PCSK2: variants seen among roughly 807,000 people sequenced by gnomAD.
PCSK2 encodes neuroendocrine convertase 2.
In PCSK2, 14 loss-of-function variants were observed where a neutral mutation model predicts 69.7. The observed-to-expected ratio is 0.20, with a 90% CI of 0.13 to 0.31. PCSK2 has a LOEUF of 0.31. Among genes scored for constraint, PCSK2 ranks in the 10% least tolerant of loss-of-function variants. PCSK2 has a pLI of 1.00. For missense variants in PCSK2, 544 were observed against 842.5 expected (o/e 0.65, Z 4.39); for synonymous variants, 307 against 320.7 (o/e 0.96, Z 0.46).
intron 11 of PCSK2, among the ~76,000 whole-genome samples, chr20:17,471,609 A>G (rs1325146420): frequency 6.6e-6 from 1 of 152,242 alleles, no homozygotes; most frequent in African/African-American, 2.4e-5. Context: ...AGCAAGGCAA[A>G]TGTGGGAAGG....
Position 17,391,906 on chromosome 20 carries a change from GAGGAAGGA to G in PCSK2, c.544-17321_544-17314del, listed in dbSNP as rs145258467. On this transcript the variant is annotated intron_variant, in intron 5 of 11. Transcript: ENST00000262545. ...AAAGAAAGAGAGAGAGAAAGAGAGA[GAGGAAGGA>G]AGGAAGGAAGGAAGGAAGGAAGGAA... 2.8e-3 allele frequency among the ~76,000 whole-genome samples: 276 copies of G among 100,008 alleles called. 3 individuals carry two copies. The South Asian group carries it at 0.038, about 14-fold the overall frequency. The allele number at this position is 100,008 out of a possible 152,430, so 65.6% of individuals were successfully genotyped here.
chr20:17,255,894 T>G (rs776924575), intron 1 of PCSK2, among the ~76,000 whole-genome samples: 4 of 152,202 alleles, frequency 2.6e-5, no homozygotes, highest in Non-Finnish European at 4.4e-5. Context: ...TTGCCATATT[T>G]GTAAGGGATC....
In PCSK2 at chr20:17,240,480, C is replaced by A. The variant is rs990684367; in HGVS notation, c.177+12998C>A. Among the ~76,000 whole-genome samples, 4 of 152,090 alleles carry A rather than the reference C, an allele frequency of 2.6e-5. 1 individual carries two copies. Among genetic ancestry groups the A allele is most frequent in the Admixed American group, 2.6e-4 (4 of 15,276 alleles). On this transcript the variant is annotated intron_variant, in intron 1 of 11. Transcript: ENST00000262545. Reference sequence around the variant, plus strand: ...AAGTAGACCAAGCATGCTTCCACTGCCAGAGAACACCCTCAGGAGAGCGGT... The same window carrying A: ...AAGTAGACCAAGCATGCTTCCACTGACAGAGAACACCCTCAGGAGAGCGGT...
At chr20:17,307,707 G>A (rs2123105340) in intron 2 of PCSK2, among the ~76,000 whole-genome samples, 1 of 152,238 alleles carries the variant, frequency 6.6e-6, no homozygotes, top group East Asian at 1.9e-4. Flanking sequence ...ATTTCATAGA[G>A]TTTACATTCT....
chr20:17,397,773 G>A lies in PCSK2; in HGVS notation c.544-11490G>A, dbSNP rs868420273. 5.3e-5 allele frequency among the ~76,000 whole-genome samples: 8 copies of A among 152,138 alleles called. No homozygotes were observed. The East Asian group carries it at 5.8e-4, about 11-fold the overall frequency. Reference sequence around the variant, plus strand: ...ATTACAAGTGTGAGCCGCCGCCCCCGGCCAAATTCAATAATATTATGCTTA... The same window carrying A: ...ATTACAAGTGTGAGCCGCCGCCCCCAGCCAAATTCAATAATATTATGCTTA... On this transcript the variant is annotated intron_variant, in intron 5 of 11. Coordinates refer to ENST00000262545, the MANE Select transcript of PCSK2 (RefSeq NM_002594.5).
chr20:17,290,341 A>T (rs1041155327), intron 2 of PCSK2, among the ~76,000 whole-genome samples: 1 of 152,190 alleles, frequency 6.6e-6, no homozygotes, highest in African/African-American at 2.4e-5. Flanking sequence ...CCATTTTGTC[A>T]TAAGAATATC....
At chr20:17,367,885 T>C (rs1406739734) in intron 4 of PCSK2, among the ~76,000 whole-genome samples, 2 of 152,180 alleles carry the variant, frequency 1.3e-5, no homozygotes. Context: ...TGCCTTTCCC[T>C]CTGAAGACTT....
At chr20:17,413,286 C>A (rs1231821089) in intron 6 of PCSK2, among the ~76,000 whole-genome samples, 2 of 152,088 alleles carry the variant, frequency 1.3e-5, no homozygotes, top group East Asian at 1.9e-4. Context: ...TCAGGAGACC[C>A]ATCTCACGTG....
intron 8 of PCSK2, among the ~76,000 whole-genome samples, chr20:17,443,864 C>T (rs6034829): frequency 0.16 from 23,710 of 152,194 alleles, 1,969 homozygotes; most frequent in Middle Eastern, 0.19. Context: ...CTTCAGATGA[C>T]AGCAAGTACA....
chr20:17,456,155 C>T (rs1334340444), intron 9 of PCSK2, among the ~76,000 whole-genome samples, 193 bp from the exon 10 acceptor site: 2 of 152,088 alleles, frequency 1.3e-5, no homozygotes, highest in Non-Finnish European at 2.9e-5. Flanking sequence ...GCAGGAGAAT[C>T]GCTTGAACCT....
chr20:17,334,701 A>T (rs1292418103), intron 2 of PCSK2, among the ~76,000 whole-genome samples: 1 of 152,190 alleles, frequency 6.6e-6, no homozygotes, highest in African/African-American at 2.4e-5. Flanking sequence ...GCTCTGAGAG[A>T]AGTAGAAGAC....
chr20:17,353,303 A>AT (rs1297909924), intron 2 of PCSK2, among the ~76,000 whole-genome samples: 2 of 150,994 alleles, frequency 1.3e-5, no homozygotes, highest in African/African-American at 4.9e-5. Flanking sequence ...TCCAAAAAAA[A>AT]TACAAAAAAA....
intron 1 of PCSK2, among the ~76,000 whole-genome samples, chr20:17,251,483 A>T (rs1986977012): frequency 6.6e-6 from 1 of 152,242 alleles, no homozygotes; most frequent in Non-Finnish European, 1.5e-5. Flanking sequence ...CTTGAAGATC[A>T]TCCAGTATCT....
intron 2 of PCSK2, among the ~76,000 whole-genome samples, chr20:17,262,119 A>C (rs889087749): frequency 3.9e-5 from 6 of 152,232 alleles, no homozygotes; most frequent in Non-Finnish European, 7.3e-5. Flanking sequence ...CTTTTAAAAT[A>C]TAAAATGGGA....
intron 2 of PCSK2, among the ~76,000 whole-genome samples, chr20:17,345,896 G>A (rs1048250653): frequency 6.6e-6 from 1 of 152,198 alleles, no homozygotes; most frequent in Non-Finnish European, 1.5e-5. Context: ...TTAGCCTGTG[G>A]CCATGGAAAC....
intron 2 of PCSK2, among the ~76,000 whole-genome samples, chr20:17,333,492 G>A (rs532067181): frequency 2.0e-5 from 3 of 152,218 alleles, no homozygotes; most frequent in South Asian, 4.2e-4. Context: ...CTGATGGAGC[G>A]AGGGTGGTCA....
chr20:17,272,948 AC>A (rs1356352101), intron 2 of PCSK2, among the ~76,000 whole-genome samples: 1 of 152,086 alleles, frequency 6.6e-6, no homozygotes, highest in African/African-American at 2.4e-5. Context: ...AAAGTACCAG[AC>A]CAACATGTTT....
intron 4 of PCSK2, among the ~76,000 whole-genome samples, chr20:17,363,852 T>C (rs576689746): frequency 3.9e-5 from 6 of 152,342 alleles, no homozygotes; most frequent in Non-Finnish European, 8.8e-5. Flanking sequence ...TTGGTATTAT[T>C]ATAATCGCCA....
chr20:17,268,311 G>A (rs1296409688), intron 2 of PCSK2, among the ~76,000 whole-genome samples: 2 of 152,066 alleles, frequency 1.3e-5, no homozygotes, highest in African/African-American at 2.4e-5. Flanking sequence ...ACAAAAAACA[G>A]ATGACCAAGC....
Sources: allele counts gnomAD v4.1 joint callset (sites outside exome capture counted in the v4.1 genomes callset), GRCh38; gene constraint gnomAD v4.1.1; transcripts MANE v1.5; gene names NCBI Gene and HGNC (gene_info 2026-07-23, HGNC 2026-07-21).